FAM107B: variants seen among roughly 807,000 people sequenced by gnomAD.
The protein encoded by FAM107B is family with sequence similarity 107 member B.
FAM107B carries 21 observed loss-of-function variants against 31.5 expected under a neutral mutation model. The ratio of observed to expected loss-of-function variants is 0.67; its 90% CI spans 0.47 to 0.96. FAM107B has a LOEUF of 0.96. Among genes scored for constraint, FAM107B ranks in the 40% least tolerant of loss-of-function variants. The probability of loss-of-function intolerance (pLI) is 0.00; values close to 1 mark genes in which losing one functional copy is unlikely to be tolerated. For missense variants in FAM107B, 452 were observed against 377.1 expected (o/e 1.20, Z -1.64); for synonymous variants, 157 against 141.5 (o/e 1.11, Z -0.78).
At chr10:14,525,920 G>A (rs1846178811) in intron 3 of FAM107B, among the ~76,000 whole-genome samples, 1 of 152,182 alleles carries the variant, frequency 6.6e-6, no homozygotes, top group Admixed American at 6.5e-5. Context: ...AACTTTGAAA[G>A]GTACATTTCA....
chr10:14,684,827 C>A (rs199768296), intron 1 of FAM107B, among the ~76,000 whole-genome samples: 3 of 147,652 alleles, frequency 2.0e-5, no homozygotes, highest in African/African-American at 7.5e-5. Flanking sequence ...TTTTGTTTTT[C>A]TTTTTTTTTT....
At chr10:14,604,157 GA>G in intron 2 of FAM107B, 1 of 902,564 alleles carries the variant, frequency 1.1e-6, no homozygotes, top group Non-Finnish European at 1.3e-6. Context: ...AGGGTCCCCG[GA>G]GCCGGGGTCG....
chr10:14,666,725 T>C (rs1854412890), intron 2 of FAM107B, among the ~76,000 whole-genome samples: 1 of 152,102 alleles, frequency 6.6e-6, no homozygotes, highest in South Asian at 2.1e-4. Flanking sequence ...ATTAAAGCAA[T>C]GTTGGTAATT....
In FAM107B at chr10:14,530,565, T is replaced by A. The variant is rs767547645; in HGVS notation, c.470-50A>T. 3 of 1,570,328 alleles carry A rather than the reference T, an allele frequency of 1.9e-6. No individual in the cohort carries two copies. The East Asian group carries it at 6.7e-5, about 35-fold the overall frequency. On this transcript the variant is annotated intron_variant, in intron 2 of 4. Transcript: ENST00000181796. ...TCATTTGCAGTTTTTGCTAAGGCTTTTCCCACACATGCAGAGGCCCACAGA... is the reference window on the plus strand; with the variant it reads ...TCATTTGCAGTTTTTGCTAAGGCTTATCCCACACATGCAGAGGCCCACAGA...
chr10:14,583,019 G>A (rs1238049540), intron 2 of FAM107B, among the ~76,000 whole-genome samples: 1 of 151,436 alleles, frequency 6.6e-6, no homozygotes, highest in Non-Finnish European at 1.5e-5. Context: ...CCAGCGGGGT[G>A]GAGGCTGCAG....
intron 2 of FAM107B, among the ~76,000 whole-genome samples, chr10:14,546,796 G>A (rs1848733997): frequency 6.6e-6 from 1 of 152,112 alleles, no homozygotes; most frequent in African/African-American, 2.4e-5. Flanking sequence ...TCAAAGTAAA[G>A]ACCAGTCTAA....
chr10:14,530,180 C>G, intron 3 of FAM107B, 152 bp downstream of exon 3: 1 of 864,444 alleles, frequency 1.2e-6, no homozygotes, highest in Non-Finnish European at 1.7e-6. Context: ...GGAGGGGTAA[C>G]CCGGTTCTAG....
chr10:14,605,262 A>G (rs888462048), intron 2 of FAM107B, among the ~76,000 whole-genome samples: 1 of 152,132 alleles, frequency 6.6e-6, no homozygotes, highest in Non-Finnish European at 1.5e-5. Context: ...TTGCTCTCTG[A>G]TCTCCTTTTC....
intron 1 of FAM107B, among the ~76,000 whole-genome samples, chr10:14,763,354 G>A (rs1409616542): frequency 6.6e-6 from 1 of 152,206 alleles, no homozygotes; most frequent in Non-Finnish European, 1.5e-5. Flanking sequence ...CTGCTTGCCA[G>A]CAGATGTTTG....
At chr10:14,590,591 T>C (rs1375951753) in intron 2 of FAM107B, among the ~76,000 whole-genome samples, 1 of 152,216 alleles carries the variant, frequency 6.6e-6, no homozygotes, top group South Asian at 2.1e-4. Context: ...ATCATGCTTC[T>C]TCCAAAGGAA....
At chr10:14,701,165 T>C (rs1046007417) in intron 1 of FAM107B, among the ~76,000 whole-genome samples, 4 of 152,178 alleles carry the variant, frequency 2.6e-5, no homozygotes, top group African/African-American at 9.7e-5. Flanking sequence ...CTCATTTAAT[T>C]CCCTGGAATA....
At chr10:14,606,423 T>G (rs1480224917) in intron 2 of FAM107B, among the ~76,000 whole-genome samples, 1 of 152,192 alleles carries the variant, frequency 6.6e-6, no homozygotes, top group Non-Finnish European at 1.5e-5. Context: ...AGCCCAGAGT[T>G]GATGCTTGAC....
At chr10:14,624,783 G>T (rs371772974) in intron 2 of FAM107B, among the ~76,000 whole-genome samples, 3 of 152,186 alleles carry the variant, frequency 2.0e-5, no homozygotes, top group East Asian at 3.8e-4. Flanking sequence ...AAACAGAGTG[G>T]GTGGAGCTGT....
chr10:14,627,955 G>T (rs1853207362), intron 2 of FAM107B, among the ~76,000 whole-genome samples: 1 of 152,124 alleles, frequency 6.6e-6, no homozygotes, highest in Admixed American at 6.5e-5. Flanking sequence ...GAATTCAAGG[G>T]CTTAGGGCAG....
At chr10:14,523,735 T>G (rs775734641) in intron 3 of FAM107B, among the ~76,000 whole-genome samples, 1 of 152,132 alleles carries the variant, frequency 6.6e-6, no homozygotes, top group South Asian at 2.1e-4. Context: ...TGTAAACCAA[T>G]CCTCAATTGC....
chr10:14,590,314 G>A (rs1851973693), intron 2 of FAM107B, among the ~76,000 whole-genome samples: 1 of 152,190 alleles, frequency 6.6e-6, no homozygotes, highest in African/African-American at 2.4e-5. Context: ...ATGAAATCAA[G>A]TGTTTGGTCA....
chr10:14,748,004 C>T (rs760874919), intron 1 of FAM107B, among the ~76,000 whole-genome samples: 2 of 152,232 alleles, frequency 1.3e-5, no homozygotes, highest in Non-Finnish European at 2.9e-5. Flanking sequence ...GAAACACACT[C>T]ACCCTCCTTT....
intron 2 of FAM107B, among the ~76,000 whole-genome samples, chr10:14,607,551 A>G (rs1852625548): frequency 6.6e-6 from 1 of 152,236 alleles, no homozygotes; most frequent in African/African-American, 2.4e-5. Flanking sequence ...TGTTGAATGA[A>G]TAAGCCTCGT....
intron 1 of FAM107B, among the ~76,000 whole-genome samples, chr10:14,683,449 G>A (rs929941496): frequency 6.6e-6 from 1 of 152,192 alleles, no homozygotes; most frequent in Non-Finnish European, 1.5e-5. Context: ...AACAACATTC[G>A]TTGCACGGTG....
Sources: allele counts gnomAD v4.1 joint callset (sites outside exome capture counted in the v4.1 genomes callset), GRCh38; gene constraint gnomAD v4.1.1; transcripts MANE v1.5; gene names NCBI Gene and HGNC (gene_info 2026-07-23, HGNC 2026-07-21).